The following ABTB3 variants were observed in gnomAD, a reference collection of about 807,000 sequenced individuals.
The protein encoded by ABTB3 is ankyrin repeat- and BTB/POZ domain-containing protein 3.
chr12:107,339,928 T>A, the ABTB3 span, among the ~76,000 whole-genome samples: 1 of 152,102 alleles, frequency 6.6e-6, no homozygotes, highest in Admixed American at 6.6e-5. Flanking sequence ...TAGAAAAAAA[T>A]TTGTAATGAT....
chr12:107,511,085 A>T, the ABTB3 span, among the ~76,000 whole-genome samples: 14 of 152,170 alleles, frequency 9.2e-5, no homozygotes, highest in African/African-American at 3.1e-4. Context: ...TGCTATGCCC[A>T]AGAAACCCCC....
chr12:107,539,117 G>A, the ABTB3 span, among the ~76,000 whole-genome samples: 4 of 152,298 alleles, frequency 2.6e-5, no homozygotes, highest in Middle Eastern at 3.4e-3. Flanking sequence ...CACCTTGTGT[G>A]GCTCTTATAT....
the ABTB3 span, chr12:107,657,820 T>C: frequency 7.9e-7 from 1 of 1,272,682 alleles, no homozygotes; most frequent in East Asian, 2.4e-5. Flanking sequence ...TGTTTTTGGC[T>C]GGGCCAAGGA....
chr12:107,505,335 A>G, the ABTB3 span, among the ~76,000 whole-genome samples: 1 of 152,176 alleles, frequency 6.6e-6, no homozygotes, highest in South Asian at 2.1e-4. Context: ...ATTTTAAAGC[A>G]TTTATGAAAC....
the ABTB3 span, among the ~76,000 whole-genome samples, chr12:107,407,334 G>A: frequency 5.9e-5 from 9 of 152,184 alleles, no homozygotes; most frequent in Admixed American, 5.9e-4. Context: ...GTGACTAAAA[G>A]CAACAACTAT....
the ABTB3 span, among the ~76,000 whole-genome samples, chr12:107,419,406 G>A: frequency 1.3e-5 from 2 of 152,138 alleles, no homozygotes; most frequent in Non-Finnish European, 2.9e-5. Context: ...TGCCTCTCCA[G>A]ACCCTCCCAG....
the ABTB3 span, among the ~76,000 whole-genome samples, chr12:107,396,945 G>A: frequency 6.6e-6 from 1 of 152,208 alleles, no homozygotes; most frequent in African/African-American, 2.4e-5. Context: ...AACTATGGGT[G>A]ATATTCTGCA....
At chr12:107,349,572 T>C in the ABTB3 span, among the ~76,000 whole-genome samples, 1 of 152,232 alleles carries the variant, frequency 6.6e-6, no homozygotes, top group Non-Finnish European at 1.5e-5. Flanking sequence ...CTTTGTTTCT[T>C]CAGCTGTAAA....
chr12:107,583,651 C>G, the ABTB3 span, among the ~76,000 whole-genome samples: 1 of 152,192 alleles, frequency 6.6e-6, no homozygotes, highest in Non-Finnish European at 1.5e-5. Context: ...TCTGCGCCCC[C>G]CCTCCTCAGC....
At chr12:107,381,573 T>TAGAGACTGAGGGACTAGAGA in the ABTB3 span, among the ~76,000 whole-genome samples, 2 of 152,218 alleles carry the variant, frequency 1.3e-5, no homozygotes, top group Admixed American at 6.5e-5. Context: ...TCCTCAGGGC[T>TAGAGACTGAGGGACTAGAGA]GGGCAGTGTC....
chr12:107,622,886 T>C, the ABTB3 span, among the ~76,000 whole-genome samples: 6 of 152,254 alleles, frequency 3.9e-5, no homozygotes, highest in South Asian at 4.1e-4. Context: ...CCCACCATTA[T>C]TGGTTTGTGC....
At chr12:107,614,939 G>A in the ABTB3 span, 1 of 753,544 alleles carries the variant, frequency 1.3e-6, no homozygotes, top group African/African-American at 1.7e-5. Flanking sequence ...TCTTCCCGAG[G>A]CATCTTCCAG....
the ABTB3 span, chr12:107,543,908 G>C: frequency 2.5e-6 from 4 of 1,590,734 alleles, no homozygotes; most frequent in Non-Finnish European, 3.4e-6. Flanking sequence ...CTTCCTGGAG[G>C]ATCTGAAATC....
the ABTB3 span, chr12:107,657,705 G>A: frequency 1.2e-6 from 2 of 1,614,154 alleles, no homozygotes; most frequent in Non-Finnish European, 8.5e-7. Context: ...TCTTCCAAAG[G>A]TTCCGTGGTA....
At chr12:107,617,078 T>G in the ABTB3 span, 42 of 1,613,732 alleles carry the variant, frequency 2.6e-5, no homozygotes, top group Non-Finnish European at 3.6e-5. Context: ...ATGGCCGCTC[T>G]TCCTCTGCAG....
At chr12:107,644,358 A>C in the ABTB3 span, among the ~76,000 whole-genome samples, 3,429 of 152,278 alleles carry the variant, frequency 0.023, 120 homozygotes, top group African/African-American at 0.069. Flanking sequence ...CAGGCTATAC[A>C]TCAGACCAAT....
the ABTB3 span, chr12:107,634,684 G>C: frequency 2.0e-5 from 3 of 152,164 alleles, no homozygotes; most frequent in African/African-American, 7.2e-5. Context: ...AGGCGCGTGT[G>C]TCCCCAGCAC....
chr12:107,591,441 G>A, the ABTB3 span, among the ~76,000 whole-genome samples: 4 of 152,102 alleles, frequency 2.6e-5, no homozygotes, highest in Admixed American at 6.5e-5. Context: ...TGAAGCAGGC[G>A]GAAAAGGGCA....
the ABTB3 span, among the ~76,000 whole-genome samples, chr12:107,630,887 A>G: frequency 1.3e-5 from 2 of 152,236 alleles, no homozygotes; most frequent in Non-Finnish European, 2.9e-5. Context: ...TAATGAACCA[A>G]TATTGATACA....
Sources: allele counts gnomAD v4.1 joint callset (sites outside exome capture counted in the v4.1 genomes callset), GRCh38; gene constraint gnomAD v4.1.1; transcripts MANE v1.5; gene names NCBI Gene and HGNC (gene_info 2026-07-23, HGNC 2026-07-21).